The following SORCS1 variants were observed in gnomAD, a reference collection of about 807,000 sequenced individuals.
SORCS1 encodes VPS10 domain-containing receptor SorCS1.
Under a neutral mutation model 146.1 loss-of-function variants are expected in SORCS1, and 60 were observed. That is an observed-to-expected ratio of 0.41 (90% CI 0.33 to 0.51). The LOEUF (loss-of-function observed/expected upper bound fraction) is 0.51, where lower values mean the gene tolerates loss of function less well. Among genes scored for constraint, SORCS1 ranks in the 20% least tolerant of loss-of-function variants. The pLI, the probability that SORCS1 is intolerant of heterozygous loss-of-function variation, is 0.21. For missense variants in SORCS1, 1,352 were observed against 1,487.6 expected, an observed-to-expected ratio of 0.91 and a Z score of 1.50; for synonymous variants, 637 against 584.0, an observed-to-expected ratio of 1.09 and a Z score of -1.31.
intron 3 of SORCS1, among the ~76,000 whole-genome samples, chr10:106,794,653 C>T (rs1435020154): frequency 6.6e-6 from 1 of 151,972 alleles, no homozygotes; most frequent in Non-Finnish European, 1.5e-5. Flanking sequence ...CAGGCGCCCG[C>T]CACCACGCCC....
intron 2 of SORCS1, among the ~76,000 whole-genome samples, chr10:106,904,173 C>A (rs1164973294): frequency 6.6e-6 from 1 of 152,184 alleles, no homozygotes; most frequent in Non-Finnish European, 1.5e-5. Context: ...CCTCAGTATA[C>A]AGATCTAATA....
At chr10:106,857,523 C>T (rs999697355) in intron 2 of SORCS1, among the ~76,000 whole-genome samples, 10 of 152,226 alleles carry the variant, frequency 6.6e-5, no homozygotes, top group Non-Finnish European at 1.3e-4. Context: ...AGAGCAGCCA[C>T]TTCCATTGCT....
At chr10:106,752,329 G>A (rs761606134) in intron 5 of SORCS1, among the ~76,000 whole-genome samples, 26 of 152,216 alleles carry the variant, frequency 1.7e-4, no homozygotes, top group African/African-American at 5.1e-4. Flanking sequence ...TTTCGTATAC[G>A]GCCAGAAAGA....
At chr10:107,097,780 T>C (rs1357633746) in intron 1 of SORCS1, among the ~76,000 whole-genome samples, 1 of 152,230 alleles carries the variant, frequency 6.6e-6, no homozygotes, top group Non-Finnish European at 1.5e-5. Context: ...TTATTGCTTA[T>C]AGGTTTCCTT....
At chr10:106,858,190 A>C (rs1454835474) in intron 2 of SORCS1, among the ~76,000 whole-genome samples, 2 of 152,192 alleles carry the variant, frequency 1.3e-5, no homozygotes. Flanking sequence ...TATTCTTTAA[A>C]TATGTTACTT....
At chr10:107,163,657 CT>C (rs1969874871) in intron 1 of SORCS1, among the ~76,000 whole-genome samples, 1 of 152,172 alleles carries the variant, frequency 6.6e-6, no homozygotes, top group Non-Finnish European at 1.5e-5. Context: ...ATTAGGAGAA[CT>C]TTAACCCCTC....
chr10:107,139,216 A>G (rs962646929), intron 1 of SORCS1, among the ~76,000 whole-genome samples: 3 of 152,218 alleles, frequency 2.0e-5, no homozygotes, highest in Non-Finnish European at 2.9e-5. Flanking sequence ...AGAAAAGAGG[A>G]TAAGTCACTA....
intron 16 of SORCS1, 24 bp from the exon 17 acceptor site, chr10:106,667,826 AC>A (rs1851282578): frequency 6.3e-7 from 1 of 1,590,528 alleles, no homozygotes. Flanking sequence ...GCCGAGAAAA[AC>A]CTTTCACTAG....
chr10:107,138,862 C>T (rs969033330), intron 1 of SORCS1, among the ~76,000 whole-genome samples: 4 of 152,168 alleles, frequency 2.6e-5, no homozygotes, highest in South Asian at 4.1e-4. Flanking sequence ...CTGACCCCCA[C>T]GAGCAGGCTG....
intron 24 of SORCS1, among the ~76,000 whole-genome samples, chr10:106,583,094 A>G (rs572170843): frequency 7.7e-4 from 117 of 152,332 alleles, no homozygotes; most frequent in Non-Finnish European, 1.5e-3. Context: ...AGACGAAACT[A>G]GTGTTTAGTC....
At chr10:106,699,145 C>A in intron 9 of SORCS1, 69 bp downstream of exon 9, 1 of 1,381,536 alleles carries the variant, frequency 7.2e-7, no homozygotes, top group South Asian at 1.5e-5. Flanking sequence ...GGAAAAGAGT[C>A]CATGCGGGGC....
intron 3 of SORCS1, among the ~76,000 whole-genome samples, chr10:106,791,498 G>A (rs1015123057): frequency 2.6e-5 from 4 of 152,062 alleles, no homozygotes; most frequent in African/African-American, 9.7e-5. Flanking sequence ...TCAAAAGATC[G>A]AGACCAACCT....
intron 1 of SORCS1, among the ~76,000 whole-genome samples, chr10:107,044,902 A>G (rs1187204335): frequency 1.3e-5 from 2 of 151,930 alleles, no homozygotes; most frequent in African/African-American, 4.8e-5. Flanking sequence ...AAGGGGTGTC[A>G]GTTTTATATT....
intron 3 of SORCS1, among the ~76,000 whole-genome samples, chr10:106,811,530 T>A (rs1441114363): frequency 1.3e-5 from 2 of 152,164 alleles, no homozygotes; most frequent in Non-Finnish European, 2.9e-5. Flanking sequence ...CCCCCAGATC[T>A]GCAGTTTAAC....
At chr10:106,985,421 C>T (rs181545396) in intron 1 of SORCS1, among the ~76,000 whole-genome samples, 39 of 152,108 alleles carry the variant, frequency 2.6e-4, no homozygotes, top group Admixed American at 1.8e-3. Flanking sequence ...CGCTTAAAGG[C>T]ACTCTAAATG....
intron 2 of SORCS1, among the ~76,000 whole-genome samples, chr10:106,941,795 A>G (rs1023465427): frequency 7.9e-4 from 120 of 152,376 alleles, no homozygotes; most frequent in African/African-American, 2.8e-3. Flanking sequence ...GAAAACCAGT[A>G]TTACTTCAGC....
chr10:106,837,175 G>A lies in SORCS1; in HGVS notation c.627-7502C>T, dbSNP rs77313197. Among the ~76,000 whole-genome samples, 271 of 152,224 alleles carry A rather than the reference G, an allele frequency of 1.8e-3. 2 individuals are homozygous for A. Among genetic ancestry groups the A allele is most frequent in the African/African-American group, 6.4e-3 (265 of 41,526 alleles). ...CAAAACTGCAGCTTACTCAACCTCT[G>A]AAGAACTTCTAGCTTCATTATAATC... On this transcript the variant is annotated intron_variant, in intron 2 of 25. Transcript: ENST00000263054.
At chr10:107,006,297 G>A (rs1333243642) in intron 1 of SORCS1, among the ~76,000 whole-genome samples, 1 of 151,524 alleles carries the variant, frequency 6.6e-6, no homozygotes, top group Admixed American at 6.5e-5. Flanking sequence ...GCACCTGACA[G>A]GTACTAGAAA....
At chr10:106,907,200 G>T (rs1951946156) in intron 2 of SORCS1, among the ~76,000 whole-genome samples, 1 of 152,080 alleles carries the variant, frequency 6.6e-6, no homozygotes, top group Non-Finnish European at 1.5e-5. Flanking sequence ...AGGTCAATGG[G>T]TTTTATCCCA....
Sources: allele counts gnomAD v4.1 joint callset (sites outside exome capture counted in the v4.1 genomes callset), GRCh38; gene constraint gnomAD v4.1.1; transcripts MANE v1.5; gene names NCBI Gene and HGNC (gene_info 2026-07-23, HGNC 2026-07-21).